The following GSE1 variants were observed in gnomAD, a reference collection of about 807,000 sequenced individuals.
GSE1 encodes the protein genetic suppressor element 1.
GSE1 carries 32 observed loss-of-function variants against 112.6 expected under a neutral mutation model. The observed-to-expected ratio is 0.28, with a 90% CI of 0.21 to 0.38. The LOEUF is 0.38. GSE1 is among the 10% of genes least tolerant of loss of function. GSE1 has a pLI of 1.00. For synonymous variants in GSE1, 1,115 were observed against 735.6 expected (o/e 1.52, Z -8.35); for missense variants, 2,348 against 1,699.2 (o/e 1.38, Z -6.71).
chr16:85,380,699 C>T (rs1014012829), intron 2 of GSE1, among the ~76,000 whole-genome samples: 61 of 152,108 alleles, frequency 4.0e-4, no homozygotes, highest in South Asian at 6.2e-4. Context: ...GGCGTGGCCC[C>T]GGACCTAATT....
At chr16:85,478,905 TTCTTTCTTTCTTTCTTTCTTTC>T (rs2050569180) in intron 2 of GSE1, among the ~76,000 whole-genome samples, 3 of 77,720 alleles carry the variant, frequency 3.9e-5, no homozygotes, top group South Asian at 4.4e-4. Flanking sequence ...CTTTCTTTCT[TTCTTTCTTTCTTTCTTTCTTTC>T]TCTTTCTTTC....
chr16:85,385,241 G>T (rs2047661805), intron 2 of GSE1, among the ~76,000 whole-genome samples: 1 of 152,232 alleles, frequency 6.6e-6, no homozygotes, highest in Non-Finnish European at 1.5e-5. Flanking sequence ...CGGGGCAGGA[G>T]GCTGGGAGGA....
intron 1 of GSE1, chr16:85,579,951 C>G (rs1278733086): frequency 6.6e-6 from 1 of 152,266 alleles, no homozygotes; most frequent in Non-Finnish European, 1.5e-5. Context: ...AGACAAAAAT[C>G]CTGGAGCGGC....
At chr16:85,534,526 A>G (rs2044257131) in intron 2 of GSE1, among the ~76,000 whole-genome samples, 1 of 152,160 alleles carries the variant, frequency 6.6e-6, no homozygotes, top group African/African-American at 2.4e-5. Flanking sequence ...GCATCCTCAG[A>G]GTCCCTCCAG....
chr16:85,399,392 T>C (rs1567736105), intron 2 of GSE1, among the ~76,000 whole-genome samples: 1 of 152,182 alleles, frequency 6.6e-6, no homozygotes, highest in Non-Finnish European at 1.5e-5. Context: ...TCAGAGTGTC[T>C]AATTGTGAAA....
intron 1 of GSE1, among the ~76,000 whole-genome samples, chr16:85,249,665 G>T (rs1012794528): frequency 2.0e-5 from 3 of 152,200 alleles, no homozygotes; most frequent in African/African-American, 7.2e-5. Flanking sequence ...TCTGGGGCAG[G>T]CCTGGTCCTG....
At chr16:85,399,323 C>G (rs991726376) in intron 2 of GSE1, among the ~76,000 whole-genome samples, 1 of 152,200 alleles carries the variant, frequency 6.6e-6, no homozygotes, top group East Asian at 1.9e-4. Context: ...GAGTGGGGCC[C>G]TCTGCACGTG....
At chr16:85,591,256 T>G (rs1315467459) in intron 1 of GSE1, among the ~76,000 whole-genome samples, 3 of 152,182 alleles carry the variant, frequency 2.0e-5, no homozygotes, top group Non-Finnish European at 4.4e-5. Context: ...CTGGTTTATT[T>G]CCAGGGCCCC....
intron 1 of GSE1, among the ~76,000 whole-genome samples, chr16:85,186,472 G>A (rs746389228): frequency 2.6e-4 from 40 of 152,186 alleles, no homozygotes; most frequent in Non-Finnish European, 4.1e-4. Context: ...GTGTGGTGGC[G>A]CATGCCTGTA....
chr16:85,231,453 AGGATGGATGGAT>A (rs569342189), intron 1 of GSE1, among the ~76,000 whole-genome samples: 1 of 149,198 alleles, frequency 6.7e-6, no homozygotes, highest in African/African-American at 2.5e-5. Context: ...GATGGATGGA[AGGATGGATGGAT>A]GGATGGATGG....
At chr16:85,443,272 C>T (rs1168516130) in intron 2 of GSE1, among the ~76,000 whole-genome samples, 1 of 152,216 alleles carries the variant, frequency 6.6e-6, no homozygotes, top group Admixed American at 6.5e-5. Context: ...CCCCAGACCA[C>T]CCTCTCCAGG....
At chr16:85,583,937 C>T (rs76706723) in intron 1 of GSE1, among the ~76,000 whole-genome samples, 2,500 of 152,320 alleles carry the variant, frequency 0.016, 57 homozygotes, top group African/African-American at 0.057. Flanking sequence ...GAGTACAAAA[C>T]GCTGTTTCAA....
chr16:85,650,095 TCTCG>T (rs1555561728), intron 3 of GSE1, among the ~76,000 whole-genome samples: 2 of 152,144 alleles, frequency 1.3e-5, no homozygotes, highest in Non-Finnish European at 2.9e-5. Flanking sequence ...CCCTGAAGCC[TCTCG>T]TAGTTTGACT....
chr16:85,534,420 C>T (rs1452438972), intron 2 of GSE1, among the ~76,000 whole-genome samples: 2 of 152,150 alleles, frequency 1.3e-5, no homozygotes, highest in African/African-American at 2.4e-5. Flanking sequence ...CCACGCCCGG[C>T]CAATTTCTTT....
chr16:85,328,059 C>T (rs2046261861), intron 1 of GSE1, among the ~76,000 whole-genome samples: 1 of 152,206 alleles, frequency 6.6e-6, no homozygotes, highest in African/African-American at 2.4e-5. Context: ...AGCCTTTTGG[C>T]CTCTCCTCCT....
chr16:85,170,398 A>G lies in GSE1; in HGVS notation c.874A>G (p.Met292Val), dbSNP rs555615207. The G allele has an allele frequency of 3.8e-4, 377 of 985,518 alleles. No individual in the cohort carries two copies. The African/African-American group carries it at 4.2e-3, about 11-fold the overall frequency. The allele number at this position is 985,518 out of a possible 1,614,324, so 61.0% of individuals were successfully genotyped here. ...TGTCCAAGAGGCCCCTGCAGACGGC[A>G]TGAAAGGGCCTCCCTCTGGCAGAGC... The change falls in exon 1 of 3, where the codon ATG (methionine) becomes GTG (valine). Residue 292 changes from methionine to valine, a missense_variant. By Grantham distance (21) the Met-to-Val change is conservative. Transcript: ENST00000637419.
At chr16:85,323,803 T>G (rs1567687877) in intron 1 of GSE1, among the ~76,000 whole-genome samples, 1 of 152,164 alleles carries the variant, frequency 6.6e-6, no homozygotes, top group Non-Finnish European at 1.5e-5. Flanking sequence ...GCATTGTTGT[T>G]GAGTGAGGAG....
chr16:85,334,125 C>T (rs1283840381), intron 1 of GSE1, among the ~76,000 whole-genome samples: 1 of 152,172 alleles, frequency 6.6e-6, no homozygotes, highest in Non-Finnish European at 1.5e-5. Context: ...AAGCTGTCTT[C>T]TGAGCCCACG....
chr16:85,190,666 G>C (rs1447300017), intron 1 of GSE1, among the ~76,000 whole-genome samples: 2 of 152,276 alleles, frequency 1.3e-5, no homozygotes, highest in African/African-American at 4.8e-5. Flanking sequence ...CCTGTCAGAG[G>C]CTGAGGCAGA....
Sources: allele counts gnomAD v4.1 joint callset (sites outside exome capture counted in the v4.1 genomes callset), GRCh38; gene constraint gnomAD v4.1.1; transcripts MANE v1.5; gene names NCBI Gene and HGNC (gene_info 2026-07-23, HGNC 2026-07-21).